Variants in RGS6 observed in about 807,000 individuals in gnomAD.
RGS6 encodes the protein regulator of G protein signaling 6.
RGS6 carries 30 observed loss-of-function variants against 78.5 expected under a neutral mutation model. The observed-to-expected ratio is 0.38, with a 90% CI of 0.29 to 0.52. The LOEUF (loss-of-function observed/expected upper bound fraction) is 0.52, where lower values mean the gene tolerates loss of function less well. Ranked by LOEUF, RGS6 falls within the 20% of genes least tolerant of loss-of-function variation. The probability of loss-of-function intolerance (pLI) is 0.85; values close to 1 mark genes in which losing one functional copy is unlikely to be tolerated. For synonymous variants in RGS6, 206 were observed against 206.0 expected (o/e 1.00, Z 0.00); for missense variants, 495 against 609.7 (o/e 0.81, Z 1.98).
chr14:72,000,220 T>C (rs184960043), intron 2 of RGS6, among the ~76,000 whole-genome samples: 112 of 152,314 alleles, frequency 7.4e-4, no homozygotes, highest in African/African-American at 2.4e-3. Flanking sequence ...CAGGCGGTTG[T>C]TGTAATATCT....
chr14:72,063,027 T>A (rs2093969103), intron 2 of RGS6, among the ~76,000 whole-genome samples: 2 of 152,136 alleles, frequency 1.3e-5, no homozygotes, highest in South Asian at 4.1e-4. Flanking sequence ...TTTTGGCATG[T>A]TGGCCAGGCT....
the RGS6 span, among the ~76,000 whole-genome samples, chr14:71,912,818 CTTTTTT>C: frequency 6.6e-6 from 1 of 151,610 alleles, no homozygotes; most frequent in African/African-American, 2.4e-5. Context: ...CTACAGTTCA[CTTTTTT>C]ATTTTTTTTT....
At chr14:71,869,358 G>A in the RGS6 span, among the ~76,000 whole-genome samples, 1,738 of 152,302 alleles carry the variant, frequency 0.011, 31 homozygotes, top group South Asian at 0.058. Flanking sequence ...AAATTAGAAA[G>A]GCTCTCAGCC....
intron 3 of RGS6, among the ~76,000 whole-genome samples, chr14:72,439,430 G>C (rs773021332): frequency 9.2e-5 from 14 of 152,238 alleles, no homozygotes; most frequent in African/African-American, 3.1e-4. Context: ...GAGGTGATGC[G>C]TGTGAGGCCT....
chr14:72,308,222 A>G (rs1287195156), intron 2 of RGS6, among the ~76,000 whole-genome samples: 1 of 152,098 alleles, frequency 6.6e-6, no homozygotes, highest in Non-Finnish European at 1.5e-5. Flanking sequence ...GGATGTCTTC[A>G]TCTTATTCTT....
At chr14:71,906,885 A>T in the RGS6 span, among the ~76,000 whole-genome samples, 2 of 145,326 alleles carry the variant, frequency 1.4e-5, no homozygotes, top group Non-Finnish European at 3.1e-5. Flanking sequence ...GGTATTTCCC[A>T]CCAAAATGAC....
At chr14:72,079,416 CAAATG>C (rs1443772870) in intron 2 of RGS6, among the ~76,000 whole-genome samples, 1 of 152,006 alleles carries the variant, frequency 6.6e-6, no homozygotes, top group Non-Finnish European at 1.5e-5. Context: ...TCTTAACTGA[CAAATG>C]AAAATTGTAT....
intron 17 of RGS6, among the ~76,000 whole-genome samples, chr14:72,544,889 G>GGA (rs2097371613): frequency 6.6e-6 from 1 of 152,232 alleles, no homozygotes; most frequent in Non-Finnish European, 1.5e-5. Flanking sequence ...GGTGCTGACC[G>GGA]GAAGTGGAGG....
intron 2 of RGS6, among the ~76,000 whole-genome samples, chr14:72,290,143 A>G (rs557094178): frequency 2.0e-5 from 3 of 152,326 alleles, no homozygotes; most frequent in Admixed American, 2.0e-4. Context: ...AAATAAAGAA[A>G]TCGAGATTTT....
rs377345139 is a variant in RGS6 at position 72,490,762 on chromosome 14, G to A, written c.855-4390G>A. The stretch of plus-strand genomic sequence containing the variant: ...ACAGCGAGGAGGCTCTGAGGTGTCC[G>A]AAAATTTACATCCATCTTCAAAACC... On this transcript the variant is annotated intron_variant, in intron 12 of 17. Coordinates refer to ENST00000553525, the MANE Select transcript of RGS6 (RefSeq NM_001204424.2). Among the ~76,000 whole-genome samples, 30 of 152,302 alleles carry A rather than the reference G, an allele frequency of 2.0e-4. No homozygotes were observed. In the South Asian group the frequency reaches 5.0e-3, roughly 25 times the overall value.
intron 2 of RGS6, among the ~76,000 whole-genome samples, chr14:72,183,004 T>A (rs1264608384): frequency 6.6e-6 from 1 of 152,188 alleles, no homozygotes; most frequent in African/African-American, 2.4e-5. Context: ...TTCAGCCACA[T>A]GGTAAGGTCC....
At chr14:72,182,627 G>T (rs528681236) in intron 2 of RGS6, among the ~76,000 whole-genome samples, 18 of 152,226 alleles carry the variant, frequency 1.2e-4, no homozygotes, top group Middle Eastern at 3.4e-3. Flanking sequence ...TGTCCATACC[G>T]AAAGTCAAGT....
intron 1 of RGS6, among the ~76,000 whole-genome samples, chr14:71,949,276 T>C (rs1054434135): frequency 1.3e-5 from 2 of 152,220 alleles, no homozygotes; most frequent in Non-Finnish European, 2.9e-5. Context: ...CCAATTTATA[T>C]TCCTATCATC....
rs201304870 is a variant in RGS6 at position 72,458,221 on chromosome 14, C to T, written c.236-50C>T. 1,369 of 1,452,780 alleles carry T rather than the reference C, an allele frequency of 9.4e-4. 1 individual carries two copies. Among genetic ancestry groups the T allele is most frequent in the Non-Finnish European group, 1.2e-3 (1,301 of 1,042,352 alleles). The allele number at this position is 1,452,780 out of a possible 1,614,324, so 90.0% of individuals were successfully genotyped here. ...CTGGTCTCCCAGCTTAATTTTCAGC[C>T]AAATAACCTGCTTTCTAATTCCTTC... On this transcript the variant is annotated intron_variant, in intron 4 of 17. Coordinates refer to ENST00000553525, the MANE Select transcript of RGS6 (RefSeq NM_001204424.2).
At chr14:72,203,886 ACTTC>A (rs1186483381) in intron 2 of RGS6, among the ~76,000 whole-genome samples, 1 of 138,848 alleles carries the variant, frequency 7.2e-6, no homozygotes, top group Non-Finnish European at 1.5e-5. Context: ...GTGCAGTGAT[ACTTC>A]CTTGGCTCAC....
At chr14:72,424,807 A>T (rs564776650) in intron 3 of RGS6, among the ~76,000 whole-genome samples, 1 of 152,178 alleles carries the variant, frequency 6.6e-6, no homozygotes, top group East Asian at 1.9e-4. Flanking sequence ...TGGGGGGGCA[A>T]TGCTATAATC....
At chr14:72,573,357 G>T in the RGS6 span, among the ~76,000 whole-genome samples, 1 of 152,200 alleles carries the variant, frequency 6.6e-6, no homozygotes, top group Non-Finnish European at 1.5e-5. Flanking sequence ...ACCACTAGTA[G>T]TGTGGCCTTA....
intron 2 of RGS6, among the ~76,000 whole-genome samples, chr14:71,988,999 C>T (rs1205697483): frequency 1.3e-5 from 2 of 152,110 alleles, no homozygotes; most frequent in African/African-American, 2.4e-5. Context: ...TATTGAGCTG[C>T]TGGAAGTGTT....
intron 3 of RGS6, among the ~76,000 whole-genome samples, chr14:72,362,796 G>C (rs2081707932): frequency 6.6e-6 from 1 of 152,228 alleles, no homozygotes; most frequent in African/African-American, 2.4e-5. Flanking sequence ...CCACCTCCTG[G>C]TGTAGGAGTG....
Sources: allele counts gnomAD v4.1 joint callset (sites outside exome capture counted in the v4.1 genomes callset), GRCh38; gene constraint gnomAD v4.1.1; transcripts MANE v1.5; gene names NCBI Gene and HGNC (gene_info 2026-07-23, HGNC 2026-07-21).